The following BPTF variants were observed in gnomAD, a reference collection of about 807,000 sequenced individuals.
The protein encoded by BPTF is nucleosome-remodeling factor subunit BPTF.
In BPTF, 18 loss-of-function variants were observed where a neutral mutation model predicts 292.5. The ratio of observed to expected loss-of-function variants is 0.06; its 90% confidence interval spans 0.04 to 0.09. BPTF has a LOEUF of 0.09. Among genes scored for constraint, BPTF ranks in the 10% least tolerant of loss-of-function variants. BPTF has a pLI of 1.00. For synonymous variants in BPTF, 1,225 were observed against 1,251.9 expected, an observed-to-expected ratio of 0.98 and a Z score of 0.45; for missense variants, 2,726 against 3,498.7, an observed-to-expected ratio of 0.78 and a Z score of 5.57.
At chr17:67,857,550 T>G (rs1434002223) in intron 2 of BPTF, among the ~76,000 whole-genome samples, 1 of 150,718 alleles carries the variant, frequency 6.6e-6, no homozygotes, top group Admixed American at 6.7e-5. Context: ...AACTGCAGCC[T>G]CGACCTCCTG....
In BPTF at chr17:67,982,546, T is replaced by G. The variant is rs1555697237; in HGVS notation, c.*258T>G. 1 of 358,344 alleles carries G rather than the reference T, an allele frequency of 2.8e-6. No homozygotes were observed. The highest frequency in any genetic ancestry group is 4.2e-5 in the East Asian group (1 of 23,924). 22.2% of individuals were successfully genotyped at this position (358,344 alleles called of 1,614,324 possible). A position where few individuals can be genotyped will look rare whatever the true frequency, so the allele number is the denominator to read the frequency against. On this transcript the variant is annotated 3_prime_UTR_variant, in exon 28 of 28. Transcript: ENST00000306378. ...TGTGGCAGAAGCGAGAAAACTTTGTTTATTGAAAAAAAAAGAAAAAGAAAG... is the reference window on the plus strand; with the variant it reads ...TGTGGCAGAAGCGAGAAAACTTTGTGTATTGAAAAAAAAAGAAAAAGAAAG...
chr17:67,946,148 T>G lies in BPTF; in HGVS notation c.7440T>G (p.Ala2480=), dbSNP rs1192692025. 5 of 1,614,098 alleles carry G rather than the reference T, an allele frequency of 3.1e-6. No homozygotes were observed. Among genetic ancestry groups the G allele is most frequent in the Non-Finnish European group, 4.2e-6 (5 of 1,180,052 alleles). ...CTATCCAAATTCAGCAAAGCAGTGC[T>G]GTGCAGACTCACCAGATTCAGAATG... ...QLPIQIQQSS[A]VQTHQIQNVV... Residue 2480 remains alanine, a synonymous_variant, in exon 21 of 28, where the codon GCT becomes GCG. Transcript: ENST00000306378.
At chr17:67,891,662 T>C in intron 4 of BPTF, 182 bp from the exon 5 acceptor site, 1 of 413,232 alleles carries the variant, frequency 2.4e-6, no homozygotes, top group Non-Finnish European at 4.2e-6. Context: ...AGTTACAACA[T>C]ATTTTCTTTT....
chr17:67,933,867 T>C, intron 18 of BPTF, among the ~76,000 whole-genome samples: 1 of 151,896 alleles, frequency 6.6e-6, no homozygotes, highest in East Asian at 1.9e-4. Flanking sequence ...GAGACCAGCC[T>C]GGCCAACATG....
At chr17:67,896,201 A>G (rs1598486116) in intron 7 of BPTF, among the ~76,000 whole-genome samples, 1 of 152,026 alleles carries the variant, frequency 6.6e-6, no homozygotes, top group African/African-American at 2.4e-5. Context: ...TGACCTTGTG[A>G]TCCGCCCGCC....
At chr17:67,952,029 T>C (rs1435688766) in intron 23 of BPTF, among the ~76,000 whole-genome samples, 4 of 108,680 alleles carry the variant, frequency 3.7e-5, no homozygotes, top group Non-Finnish European at 5.1e-5. Flanking sequence ...CATTCCAGCC[T>C]GGGCGACAGA....
Position 67,983,980 on chromosome 17 carries a change from T to G in BPTF, c.*1692T>G, listed in dbSNP as rs2070660172. On this transcript the variant is annotated 3_prime_UTR_variant, in exon 28 of 28. Coordinates refer to ENST00000306378, the MANE Select transcript of BPTF (RefSeq NM_182641.4). ...ATAAAGATGTCACTTAAACTTATGC[T>G]TACAAACTAAAGACTAATCGCTCAA... The G allele has an allele frequency of 6.6e-6, 1 of 152,520 alleles. No individual in the cohort carries two copies. Among genetic ancestry groups the G allele is most frequent in the Admixed American group, 6.6e-5 (1 of 15,264 alleles). The allele number at this position is 152,520 out of a possible 1,614,324, so 9.4% of individuals were successfully genotyped here.
At chr17:67,923,059 T>TAC in intron 14 of BPTF, 69 bp downstream of exon 14, 6 of 1,136,786 alleles carry the variant, frequency 5.3e-6, no homozygotes, top group South Asian at 2.1e-5. Context: ...TAAATTACTT[T>TAC]TTTTTTTTTT....
In BPTF at chr17:67,874,893, C is replaced by T; in HGVS notation, c.1737C>T (p.Asp579=). Residue 579 remains aspartate, a synonymous_variant, in exon 4 of 28, where the codon GAC becomes GAT. Transcript: ENST00000306378. ...AAAGCCCAGAAGAAACAGAAAAAGA[C>T]AAGAATGAGACTGAGAATGACTCTA... ...NVKSPEETEK[D]KNETENDSKD... 1 of 1,613,448 alleles carries T rather than the reference C, an allele frequency of 6.2e-7. No homozygotes were observed. Among genetic ancestry groups the T allele is most frequent in the South Asian group, 1.1e-5 (1 of 91,024 alleles).
At chr17:67,966,697 A>G in intron 26 of BPTF, 41 bp downstream of exon 26, 1 of 1,395,860 alleles carries the variant, frequency 7.2e-7, no homozygotes, top group South Asian at 1.6e-5. Flanking sequence ...CAGAAGTCTC[A>G]GTGGATGTTT....
chr17:67,911,449 A>C lies in BPTF; in HGVS notation c.3565A>C (p.Ile1189Leu). ...CPKQNSIEND[I>L]EEKVSDLASR... ...GAAACAAAATTCCATTGAAAATGACATAGAAGAAAAAGTCTCTGACCTTGC... is the reference window on the plus strand; with the variant it reads ...GAAACAAAATTCCATTGAAAATGACCTAGAAGAAAAAGTCTCTGACCTTGC... Residue 1189 changes from isoleucine to leucine, a missense_variant, in exon 11 of 28, where the codon ATA becomes CTA. By Grantham distance (5) the Ile-to-Leu change is conservative. This residue lies in a region of BPTF where 713 missense variants were observed against 714.9 expected (regional missense o/e 1.00). Transcript: ENST00000306378. The C allele has an allele frequency of 6.2e-7, 1 of 1,614,160 alleles. No homozygotes were observed. Among genetic ancestry groups the C allele is most frequent in the South Asian group, 1.1e-5 (1 of 91,082 alleles).
At chr17:67,923,660 A>G (rs1352753198) in intron 14 of BPTF, among the ~76,000 whole-genome samples, 2 of 148,246 alleles carry the variant, frequency 1.3e-5, no homozygotes, top group African/African-American at 5.0e-5. Context: ...TTGTATTTTT[A>G]GTAGAGACGG....
rs573507694 is a variant in BPTF, at chr17:67,953,882, A to G, written c.7926+5576A>G. Among the ~76,000 whole-genome samples the G allele has an allele frequency of 1.6e-4, 24 of 150,180 alleles. No individual in the cohort carries two copies. In the South Asian group the frequency reaches 4.9e-3, roughly 30 times the overall value. Reference sequence around the variant, plus strand: ...GCTGTGAGCCACTGTGCCTGGCTGTATAATTTCATTTGGAGTGAATTCAGA... The same window carrying G: ...GCTGTGAGCCACTGTGCCTGGCTGTGTAATTTCATTTGGAGTGAATTCAGA... On this transcript the variant is annotated intron_variant, in intron 23 of 27. Transcript: ENST00000306378.
intron 20 of BPTF, 52 bp from the exon 21 acceptor site, chr17:67,945,357 C>T: frequency 1.3e-6 from 2 of 1,547,910 alleles, no homozygotes; most frequent in Admixed American, 2.0e-5. Context: ...CTTCTTTAAC[C>T]ACAGTTTTAT....
Position 67,928,420 on chromosome 17 carries a change from A to G in BPTF, c.5817A>G (p.Thr1939=), listed in dbSNP as rs1246367094. Reference sequence around the variant, plus strand: ...CCACTACTTCCCCAACAAGCAGTACAACCAGCACCATCTCTCCAGCACAGA... The same window carrying G: ...CCACTACTTCCCCAACAAGCAGTACGACCAGCACCATCTCTCCAGCACAGA... ...ATSTTSPTSS[T]TSTISPAQKV... The change falls in exon 16 of 28, where the codon ACA becomes ACG. Residue 1939 remains threonine (T), a synonymous_variant. Coordinates refer to ENST00000306378, the MANE Select transcript of BPTF (RefSeq NM_182641.4). 1.9e-6 allele frequency: 3 copies of G among 1,614,090 alleles called. No individual in the cohort carries two copies. Among genetic ancestry groups the G allele is most frequent in the Non-Finnish European group, 2.5e-6 (3 of 1,180,030 alleles).
chr17:67,875,081 T>G (rs1363023067), intron 4 of BPTF, 61 bp downstream of exon 4: 2 of 1,432,216 alleles, frequency 1.4e-6, no homozygotes, highest in African/African-American at 2.9e-5. Context: ...AAATCTCCAG[T>G]TTTACTTGCA....
At chr17:67,908,826 ATTTTTTTTTT>A (rs34934455) in intron 9 of BPTF, among the ~76,000 whole-genome samples, 18 of 106,088 alleles carry the variant, frequency 1.7e-4, no homozygotes, top group African/African-American at 6.9e-4. Flanking sequence ...GTCACTGACA[ATTTTTTTTTT>A]TTTTTTTTTT....
At position 67,920,145 on chromosome 17, in the gene BPTF, T is replaced by C. The variant is rs767397995; in HGVS notation, c.5557+2T>C. 4 of 1,608,858 alleles carry C rather than the reference T, an allele frequency of 2.5e-6. No individual in the cohort carries two copies. The Admixed American group carries it at 6.7e-5, about 27-fold the overall frequency. ...TTGGAGTTCCAGAAACACCAAAAGG[T>C]AAGAAATAGAATTCTATTCTTTCAT... On this transcript the variant is annotated splice_donor_variant, in intron 13 of 27. Transcript: ENST00000306378. LOFTEE classifies it high-confidence loss of function.
intron 1 of BPTF, among the ~76,000 whole-genome samples, chr17:67,833,043 C>T (rs533525961): frequency 4.6e-5 from 7 of 151,396 alleles, no homozygotes; most frequent in Non-Finnish European, 1.0e-4. Flanking sequence ...GTAATCCACT[C>T]GCCTCAGCCT....
Sources: gnomAD v4.1 joint callset for allele counts (sites outside exome capture counted in the v4.1 genomes callset) on GRCh38, gnomAD v4.1.1 for gene constraint, gnomAD v4.1.1 regional missense constraint, MANE v1.5 for transcripts, NCBI Gene and HGNC (gene_info 2026-07-23, HGNC 2026-07-21) for gene names.